Variants in STIM2 observed in about 807,000 individuals in gnomAD.
STIM2 encodes the protein stromal interaction molecule 2.
A neutral mutation model predicts 85.8 loss-of-function variants in STIM2; 31 were observed. That is an observed-to-expected ratio of 0.36 (90% CI 0.27 to 0.49). The LOEUF is 0.49. Among genes scored for constraint, STIM2 ranks in the 20% least tolerant of loss-of-function variants. The pLI is 0.98. For missense variants in STIM2, 841 were observed against 927.6 expected (o/e 0.91, Z 1.21); for synonymous variants, 356 against 331.1 (o/e 1.08, Z -0.82).
Position 27,023,245 on chromosome 4 carries a change from A to T in STIM2, c.*249A>T. On this transcript the variant is annotated 3_prime_UTR_variant, in exon 12 of 12. Transcript: ENST00000467087. The stretch of plus-strand genomic sequence containing the variant: ...CATTGAAATGAGACAGTTTACAGTC[A>T]TTTCTGCCTATTTATTTCTGCTTTG... 2.2e-6 allele frequency: 1 copy of T among 452,404 alleles called. No homozygotes were observed. Among genetic ancestry groups the T allele is most frequent in the Non-Finnish European group, 4.0e-6 (1 of 251,080 alleles). 28.0% of individuals were successfully genotyped at this position (452,404 alleles called of 1,614,324 possible). A position where few individuals can be genotyped will look rare whatever the true frequency, so the allele number is the denominator to read the frequency against.
At chr4:26,998,483 A>G (rs541382698) in intron 4 of STIM2, among the ~76,000 whole-genome samples, 4 of 152,320 alleles carry the variant, frequency 2.6e-5, no homozygotes, top group South Asian at 2.1e-4. Context: ...ACTTTTAAAG[A>G]AAATCAATAT....
intron 1 of STIM2, among the ~76,000 whole-genome samples, chr4:26,900,669 A>C (rs1333453127): frequency 6.6e-6 from 1 of 152,226 alleles, no homozygotes; most frequent in Non-Finnish European, 1.5e-5. Context: ...TGTTAGAAAT[A>C]GTTTCTTGGA....
At chr4:26,984,407 C>T (rs1232877098) in intron 3 of STIM2, among the ~76,000 whole-genome samples, 7 of 152,216 alleles carry the variant, frequency 4.6e-5, no homozygotes, top group Non-Finnish European at 7.3e-5. Context: ...GTTGCCCAGG[C>T]TGGAATGCAG....
At chr4:26,991,409 G>A (rs918251106) in intron 3 of STIM2, among the ~76,000 whole-genome samples, 1 of 152,110 alleles carries the variant, frequency 6.6e-6, no homozygotes, top group Non-Finnish European at 1.5e-5. Flanking sequence ...TAGAATGGTG[G>A]TTACCAGAGG....
chr4:27,001,401 TG>T (rs1728149037), intron 5 of STIM2, among the ~76,000 whole-genome samples: 2 of 152,198 alleles, frequency 1.3e-5, no homozygotes, highest in African/African-American at 2.4e-5. Context: ...GACATAAGGC[TG>T]GGGGTTAACA....
rs190229765 is a variant in STIM2 at position 26,921,198 on chromosome 4, A to G, written c.282+1564A>G. On this transcript the variant is annotated intron_variant, in intron 2 of 11. Coordinates refer to ENST00000467087, the MANE Select transcript of STIM2 (RefSeq NM_020860.4). ...AGTTTTATATAACTGCAAATCAAGGAATGCTAAGGATTGCTGCCAATACCA... is the reference window on the plus strand; with the variant it reads ...AGTTTTATATAACTGCAAATCAAGGGATGCTAAGGATTGCTGCCAATACCA... Among the ~76,000 whole-genome samples the G allele has an allele frequency of 3.2e-4, 49 of 152,294 alleles. 2 individuals are homozygous for G. In the East Asian group the frequency reaches 6.2e-3, roughly 19 times the overall value.
chr4:26,870,537 A>G (rs781327476), intron 1 of STIM2, among the ~76,000 whole-genome samples: 1 of 152,202 alleles, frequency 6.6e-6, no homozygotes, highest in Non-Finnish European at 1.5e-5. Flanking sequence ...CTTTGGAACA[A>G]AGTATAATTA....
chr4:26,886,270 A>G (rs1012095299), intron 1 of STIM2, among the ~76,000 whole-genome samples: 2 of 152,206 alleles, frequency 1.3e-5, no homozygotes, highest in Admixed American at 1.3e-4. Context: ...TAAGGCTAAT[A>G]TATTATTTCA....
chr4:26,913,809 G>C (rs2109061426), intron 1 of STIM2, among the ~76,000 whole-genome samples: 1 of 152,308 alleles, frequency 6.6e-6, no homozygotes, highest in Middle Eastern at 3.4e-3. Context: ...CCAGATACTG[G>C]TTTAGGCACT....
intron 3 of STIM2, among the ~76,000 whole-genome samples, chr4:26,987,686 G>A (rs558954219): frequency 8.5e-5 from 13 of 152,306 alleles, no homozygotes; most frequent in Non-Finnish European, 1.2e-4. Context: ...AAGAACTGAC[G>A]TAGCTCCATT....
chr4:26,974,336 C>G (rs976191268), intron 3 of STIM2, among the ~76,000 whole-genome samples: 6 of 152,152 alleles, frequency 3.9e-5, no homozygotes, highest in Non-Finnish European at 8.8e-5. Flanking sequence ...CCTTGATGGT[C>G]TTTACAATTT....
chr4:26,945,097 ACCCCC>A (rs1372727234), intron 2 of STIM2, among the ~76,000 whole-genome samples: 1 of 150,916 alleles, frequency 6.6e-6, no homozygotes, highest in African/African-American at 2.4e-5. Flanking sequence ...CCCTCTTTTT[ACCCCC>A]CACCCTCTGG....
At chr4:26,929,575 TC>T (rs1192295311) in intron 2 of STIM2, among the ~76,000 whole-genome samples, 1 of 151,902 alleles carries the variant, frequency 6.6e-6, no homozygotes, top group East Asian at 1.9e-4. Flanking sequence ...ATGTTGCTTT[TC>T]TAAAAAAAAT....
chr4:26,912,540 G>A (rs1261346475), intron 1 of STIM2, among the ~76,000 whole-genome samples: 2 of 152,154 alleles, frequency 1.3e-5, no homozygotes. Context: ...AAAGGGAATA[G>A]CATTTGATGC....
In STIM2 at chr4:27,007,665, A is replaced by C; in HGVS notation, c.1114A>C (p.Asn372His). ...GCAATACTACAATATTAAAAGACAAAACGCTGAAATGCAGCTAGCTATTGC... is the reference window on the plus strand; with the variant it reads ...GCAATACTACAATATTAAAAGACAACACGCTGAAATGCAGCTAGCTATTGC... The change falls in exon 8 of 12, where the codon AAC (asparagine) becomes CAC (histidine). Residue 372 changes from asparagine to histidine, a missense_variant. Asn to His is a moderately conservative substitution (Grantham distance 68). Around this residue, in one of 3 missense-constraint regions of STIM2, gnomAD observed 408 missense variants for 525.4 expected, o/e 0.78. Coordinates refer to ENST00000467087, the MANE Select transcript of STIM2 (RefSeq NM_020860.4). 1 of 1,586,502 alleles carries C rather than the reference A, an allele frequency of 6.3e-7. No individual in the cohort carries two copies. Among genetic ancestry groups the C allele is most frequent in the Non-Finnish European group, 8.5e-7 (1 of 1,169,704 alleles).
At chr4:26,928,343 A>G (rs2109072146) in intron 2 of STIM2, among the ~76,000 whole-genome samples, 1 of 152,294 alleles carries the variant, frequency 6.6e-6, no homozygotes, top group Non-Finnish European at 1.5e-5. Flanking sequence ...GCAGAAATCC[A>G]CATTTCCTGA....
intron 2 of STIM2, among the ~76,000 whole-genome samples, chr4:26,946,189 T>TA (rs766219978): frequency 2.6e-5 from 4 of 152,218 alleles, no homozygotes; most frequent in Non-Finnish European, 5.9e-5. Context: ...TTGGGAATAT[T>TA]AAAGTTATTT....
chr4:27,018,416 T>C (rs1728806889), intron 11 of STIM2, among the ~76,000 whole-genome samples: 1 of 152,176 alleles, frequency 6.6e-6, no homozygotes, highest in African/African-American at 2.4e-5. Flanking sequence ...AAGCCAGCAA[T>C]AGAGAATTTC....
intron 10 of STIM2, among the ~76,000 whole-genome samples, chr4:27,013,327 CTG>C (rs1419361194): frequency 6.6e-6 from 1 of 151,820 alleles, no homozygotes; most frequent in Non-Finnish European, 1.5e-5. Context: ...TTTTTATTAT[CTG>C]TTATTAATCT....
Sources: gnomAD v4.1 joint callset for allele counts (sites outside exome capture counted in the v4.1 genomes callset) on GRCh38, gnomAD v4.1.1 for gene constraint, gnomAD v4.1.1 regional missense constraint, MANE v1.5 for transcripts, NCBI Gene and HGNC (gene_info 2026-07-23, HGNC 2026-07-21) for gene names.